ANK2: variants seen among roughly 807,000 people sequenced by gnomAD.
The protein encoded by ANK2 is ankyrin 2.
ANK2 carries 83 observed loss-of-function variants against 360.5 expected under a neutral mutation model. The observed-to-expected ratio is 0.23, with a 90% CI of 0.19 to 0.28. The LOEUF is 0.28. ANK2 is among the 10% of genes least tolerant of loss of function. The pLI is 1.00. For synonymous variants in ANK2, 1,740 were observed against 1,759.5 expected, an observed-to-expected ratio of 0.99 and a Z score of 0.28; for missense variants, 4,201 against 4,795.7, an observed-to-expected ratio of 0.88 and a Z score of 3.66.
rs140129144 is a variant in ANK2, at chr4:113,136,485, C to T, written c.85-37931C>T. On this transcript the variant is annotated intron_variant, in intron 1 of 45. Coordinates refer to ENST00000357077, the MANE Select transcript of ANK2 (RefSeq NM_001148.6). ...ATGCTTGAGTCCAGGAGTTTGAGAC[C>T]ATCCTGGGCAACATGGCGAAACCCT... 5.0e-3 allele frequency among the ~76,000 whole-genome samples: 754 copies of T among 152,196 alleles called. 2 individuals are homozygous for T. The highest frequency in any genetic ancestry group is 0.015 in the African/African-American group (641 of 41,530).
chr4:113,128,355 G>A (rs1211832921), intron 1 of ANK2, among the ~76,000 whole-genome samples: 2 of 152,180 alleles, frequency 1.3e-5, no homozygotes, highest in Non-Finnish European at 2.9e-5. Context: ...TGATGCTTTT[G>A]AAAGCACTTA....
intron 31 of ANK2, among the ~76,000 whole-genome samples, chr4:113,338,389 T>C (rs1445123290): frequency 6.6e-6 from 1 of 152,190 alleles, no homozygotes; most frequent in African/African-American, 2.4e-5. Flanking sequence ...TTGATATTCA[T>C]TTATTTTTTC....
At chr4:112,817,981 A>C (rs575122624), upstream of ANK2, 1 of 152,414 alleles carries the variant, frequency 6.6e-6, no homozygotes, top group East Asian at 1.9e-4. Flanking sequence ...AAGGCACTCA[A>C]ATGATGCAAC....
intron 2 of ANK2, among the ~76,000 whole-genome samples, chr4:113,023,597 C>T (rs1194363203): frequency 6.6e-6 from 1 of 152,168 alleles, no homozygotes; most frequent in Non-Finnish European, 1.5e-5. Context: ...ACCACCTCTG[C>T]CATAAGATAG....
At chr4:112,996,549 T>G (rs1185112294) in intron 2 of ANK2, among the ~76,000 whole-genome samples, 1 of 152,174 alleles carries the variant, frequency 6.6e-6, no homozygotes, top group African/African-American at 2.4e-5. Flanking sequence ...GTCATTATAT[T>G]TCATTTATCT....
At chr4:113,344,114 G>A (rs938980006) in intron 34 of ANK2, among the ~76,000 whole-genome samples, 3 of 152,142 alleles carry the variant, frequency 2.0e-5, no homozygotes, top group African/African-American at 7.2e-5. Flanking sequence ...ACCACATTAA[G>A]CAGTAACTGC....
chr4:112,870,861 TGTAGATCACTTTGG>T (rs2150252512), intron 1 of ANK2, among the ~76,000 whole-genome samples: 1 of 152,350 alleles, frequency 6.6e-6, no homozygotes, highest in African/African-American at 2.4e-5. Flanking sequence ...GTACTGAATT[TGTAGATCACTTTGG>T]GTAGTATTGC....
rs60929199 is a variant in ANK2, at chr4:113,333,298, A to ATG, written c.3379+122_3379+123dup. On this transcript the variant is annotated intron_variant, in intron 29 of 45. Coordinates refer to ENST00000357077, the MANE Select transcript of ANK2 (RefSeq NM_001148.6). ...TCTTATGACCTAGGGGTGTGTGTAT[A>ATG]TGTGTGTGTGTGTGTGTGTGTGTGT... 0.054 allele frequency: 63,118 copies of ATG among 1,159,738 alleles called. 1,220 individuals carry two copies. The highest frequency in any genetic ancestry group is 0.18 in the African/African-American group (11,201 of 60,782). The allele number at this position is 1,159,738 out of a possible 1,614,324, so 71.8% of individuals were successfully genotyped here.
At chr4:113,186,578 CTCTCTCTCT>C (rs201025645) in intron 2 of ANK2, among the ~76,000 whole-genome samples, 1,896 of 67,760 alleles carry the variant, frequency 0.028, 64 homozygotes, top group African/African-American at 0.064. Context: ...CTCTCTCTCT[CTCTCTCTCT>C]TCTCTCTCTC....
At chr4:113,043,378 TC>T (rs2063445370) in intron 2 of ANK2, among the ~76,000 whole-genome samples, 1 of 151,592 alleles carries the variant, frequency 6.6e-6, no homozygotes, top group Non-Finnish European at 1.5e-5. Flanking sequence ...AGGAGAGCAG[TC>T]CCCAGGCCCA....
intron 1 of ANK2, among the ~76,000 whole-genome samples, chr4:113,144,600 G>T (rs1376869497): frequency 6.6e-6 from 1 of 151,420 alleles, no homozygotes; most frequent in East Asian, 1.9e-4. Context: ...TTTATAGCAT[G>T]TGGATGGATA....
At chr4:113,186,229 T>C (rs2098518963) in intron 2 of ANK2, among the ~76,000 whole-genome samples, 1 of 152,224 alleles carries the variant, frequency 6.6e-6, no homozygotes, top group Non-Finnish European at 1.5e-5. Context: ...TTTGCTGTTC[T>C]GCAGCCTCTG....
intron 1 of ANK2, among the ~76,000 whole-genome samples, chr4:113,088,940 C>G (rs1349147097): frequency 6.6e-6 from 1 of 152,176 alleles, no homozygotes; most frequent in African/African-American, 2.4e-5. Context: ...TAGTTCTGCT[C>G]TAGTTAATTA....
At chr4:112,711,367 A>G in the ANK2 span, among the ~76,000 whole-genome samples, 1 of 152,162 alleles carries the variant, frequency 6.6e-6, no homozygotes, top group Non-Finnish European at 1.5e-5. Context: ...TACAAAAAAT[A>G]CAAAAATTAG....
At chr4:113,172,078 G>A (rs1357334514) in intron 1 of ANK2, among the ~76,000 whole-genome samples, 1 of 152,190 alleles carries the variant, frequency 6.6e-6, no homozygotes, top group Non-Finnish European at 1.5e-5. Flanking sequence ...TTAATGCAAA[G>A]CATCCTTTAT....
chr4:113,069,912 A>G (rs1458196037), intron 1 of ANK2: 4 of 152,186 alleles, frequency 2.6e-5, no homozygotes, highest in Admixed American at 6.5e-5. Flanking sequence ...TTTTCTAGGC[A>G]TAGGGATTTC....
intron 35 of ANK2, 62 bp downstream of exon 35, chr4:113,346,084 T>C: frequency 6.3e-7 from 1 of 1,597,876 alleles, no homozygotes; most frequent in Non-Finnish European, 8.6e-7. Context: ...TAAATCTTGT[T>C]TTAGGTCAGT....
chr4:112,856,896 G>A (rs2066568470), intron 1 of ANK2, among the ~76,000 whole-genome samples: 1 of 152,184 alleles, frequency 6.6e-6, no homozygotes, highest in Admixed American at 6.5e-5. Context: ...TAGCCAATGA[G>A]CAGAATTAGG....
intron 40 of ANK2, among the ~76,000 whole-genome samples, chr4:113,364,465 C>A (rs145939177): frequency 2.0e-5 from 3 of 152,184 alleles, no homozygotes; most frequent in African/African-American, 7.2e-5. Context: ...AATAACAGCC[C>A]TCACTTCTAA....
Sources: gnomAD v4.1 joint callset for allele counts (sites outside exome capture counted in the v4.1 genomes callset) on GRCh38, gnomAD v4.1.1 for gene constraint, MANE v1.5 for transcripts, NCBI Gene and HGNC (gene_info 2026-07-23, HGNC 2026-07-21) for gene names.